SHROOM3: variants seen among roughly 807,000 people sequenced by gnomAD.
The protein encoded by SHROOM3 is shroom family member 3, also known as protein Shroom3.
In SHROOM3, 47 loss-of-function variants were observed where a neutral mutation model predicts 138.6. That is an observed-to-expected ratio of 0.34 (90% CI 0.27 to 0.43). The LOEUF (loss-of-function observed/expected upper bound fraction) is 0.43, where lower values mean the gene tolerates loss of function less well. SHROOM3 is among the 20% of genes least tolerant of loss of function. SHROOM3 has a pLI of 1.00. For synonymous variants in SHROOM3, 1,062 were observed against 1,063.3 expected, an observed-to-expected ratio of 1.00 and a Z score of 0.02; for missense variants, 2,491 against 2,596.5, an observed-to-expected ratio of 0.96 and a Z score of 0.88.
At chr4:76,768,691 T>C (rs1354709531) in intron 9 of SHROOM3, among the ~76,000 whole-genome samples, 2 of 152,052 alleles carry the variant, frequency 1.3e-5, no homozygotes, top group East Asian at 3.9e-4. Flanking sequence ...TTGTATTTTT[T>C]TCAGTAGAGA....
At chr4:76,626,159 T>C (rs1261843787) in intron 2 of SHROOM3, among the ~76,000 whole-genome samples, 1 of 152,184 alleles carries the variant, frequency 6.6e-6, no homozygotes, top group Non-Finnish European at 1.5e-5. Flanking sequence ...TAGGGCTGCT[T>C]CATCAGGCGA....
At chr4:76,737,108 C>A (rs983050919) in intron 4 of SHROOM3, among the ~76,000 whole-genome samples, 1 of 152,212 alleles carries the variant, frequency 6.6e-6, no homozygotes, top group Non-Finnish European at 1.5e-5. Flanking sequence ...GACCTGGCAA[C>A]CACTGATCTT....
chr4:76,655,965 TAG>T, intron 2 of SHROOM3, among the ~76,000 whole-genome samples: 1 of 152,248 alleles, frequency 6.6e-6, no homozygotes, highest in African/African-American at 2.4e-5. Flanking sequence ...GACCGGAAAA[TAG>T]AGAGACAGTC....
intron 1 of SHROOM3, among the ~76,000 whole-genome samples, chr4:76,470,531 CT>C (rs1460098969): frequency 2.6e-4 from 39 of 152,074 alleles, no homozygotes; most frequent in Admixed American, 9.8e-4. Context: ...TTAAAATGGC[CT>C]TTTTTGATGG....
rs560315578 is a variant in SHROOM3 at position 76,629,480 on chromosome 4, C to T, written c.323+73717C>T. ...TGCAGGGTTTTGAGCAGAGAATCAA[C>T]ATACTTTGGCTTATATTTTAGAATA... On this transcript the variant is annotated intron_variant, in intron 2 of 10. Coordinates refer to ENST00000296043, the MANE Select transcript of SHROOM3 (RefSeq NM_020859.4). Among the ~76,000 whole-genome samples, 32 of 152,250 alleles carry T rather than the reference C, an allele frequency of 2.1e-4. No homozygotes were observed. The East Asian group carries it at 5.8e-3, about 28-fold the overall frequency.
chr4:76,773,430 G>GCCC (rs1722440070), intron 10 of SHROOM3, among the ~76,000 whole-genome samples: 1 of 151,686 alleles, frequency 6.6e-6, no homozygotes, highest in Non-Finnish European at 1.5e-5. Flanking sequence ...AAAGTACATG[G>GCCC]CCCCATCAAA....
chr4:76,731,556 G>A (rs1238401329), intron 4 of SHROOM3, among the ~76,000 whole-genome samples: 3 of 152,050 alleles, frequency 2.0e-5, no homozygotes, highest in African/African-American at 4.8e-5. Context: ...CAAGGAGGGC[G>A]GATCACCTGA....
At chr4:76,533,650 C>T (rs1177393780) in intron 1 of SHROOM3, among the ~76,000 whole-genome samples, 1 of 152,170 alleles carries the variant, frequency 6.6e-6, no homozygotes, top group Non-Finnish European at 1.5e-5. Context: ...GAAAGCAATA[C>T]ACTATGAAAA....
At position 76,463,923 on chromosome 4, in the gene SHROOM3, C is replaced by T. The variant is rs538820894; in HGVS notation, c.168+27703C>T. ...GGAAATTCCTGGATGTCCAGGTAGA[C>T]GTCTGCTGCAGGGGCGGAGCCCTTA... On this transcript the variant is annotated intron_variant, in intron 1 of 10. Transcript: ENST00000296043. Among the ~76,000 whole-genome samples, 47 of 152,366 alleles carry T rather than the reference C, an allele frequency of 3.1e-4. 1 individual carries two copies. In the South Asian group the frequency reaches 7.7e-3, roughly 25 times the overall value.
At chr4:76,749,220 CATGG>C in intron 6 of SHROOM3, 130 bp downstream of exon 6, 1 of 840,068 alleles carries the variant, frequency 1.2e-6, no homozygotes, top group Non-Finnish European at 1.9e-6. Context: ...TTGTCTAGGC[CATGG>C]ATAACTTTTT....
At chr4:76,727,437 G>C (rs1318137586) in intron 3 of SHROOM3, among the ~76,000 whole-genome samples, 2 of 152,202 alleles carry the variant, frequency 1.3e-5, no homozygotes, top group African/African-American at 4.8e-5. Flanking sequence ...ATCTAAGTCA[G>C]TGAGGCAGCC....
intron 10 of SHROOM3, among the ~76,000 whole-genome samples, chr4:76,772,195 C>T (rs1000941177): frequency 1.3e-5 from 2 of 151,456 alleles, no homozygotes; most frequent in African/African-American, 2.4e-5. Flanking sequence ...CCTCTGGCTC[C>T]CGTATTCATG....
rs750125259 is a variant in SHROOM3 at position 76,740,742 on chromosome 4, G to A, written c.2569G>A (p.Glu857Lys). Residue 857 changes from glutamate (E) to lysine (K), a missense_variant, in exon 5 of 11, where the codon GAG (glutamate) becomes AAG (lysine). Transcript: ENST00000296043. This position sits in a 1 kb window ranked among gnomAD's most constrained non-coding sequence, Gnocchi z 4.0. Reference protein sequence around the residue: ...HFKNGELKLEEASRQPCGQQL... With the variant: ...HFKNGELKLEKASRQPCGQQL... Reference sequence around the variant, plus strand: ...CAAAAACGGGGAGCTGAAGTTGGAAGAGGCTTCCCGGCAGCCCTGCGGTCA... The same window carrying A: ...CAAAAACGGGGAGCTGAAGTTGGAAAAGGCTTCCCGGCAGCCCTGCGGTCA... The A allele has an allele frequency of 5.6e-6, 9 of 1,613,240 alleles. No individual in the cohort carries two copies. Among genetic ancestry groups the A allele is most frequent in the Non-Finnish European group, 7.6e-6 (9 of 1,180,026 alleles).
intron 2 of SHROOM3, among the ~76,000 whole-genome samples, chr4:76,571,292 CA>C (rs1461221456): frequency 1.3e-5 from 2 of 152,206 alleles, no homozygotes; most frequent in African/African-American, 4.8e-5. Flanking sequence ...GCTTTTACAT[CA>C]GTAAAAACTA....
chr4:76,765,382 G>A (rs1374074337), intron 9 of SHROOM3, among the ~76,000 whole-genome samples: 1 of 151,942 alleles, frequency 6.6e-6, no homozygotes, highest in Non-Finnish European at 1.5e-5. Flanking sequence ...GCCAAGTGTG[G>A]TAATGCGTGC....
At chr4:76,586,292 G>A (rs1421364984) in intron 2 of SHROOM3, 1 of 985,546 alleles carries the variant, frequency 1.0e-6, no homozygotes, top group Non-Finnish European at 1.2e-6. Flanking sequence ...TCTCAGCTCT[G>A]TCTTCCTCGG....
rs182640258 is a variant in SHROOM3, at chr4:76,461,128, T to C, written c.168+24908T>C. On this transcript the variant is annotated intron_variant, in intron 1 of 10. Coordinates refer to ENST00000296043, the MANE Select transcript of SHROOM3 (RefSeq NM_020859.4). ...AGCCCTATCTCTAAAAAGTCACATC[T>C]GAGACACTGGGATTTAGGGCTTCAA... Among the ~76,000 whole-genome samples the C allele has an allele frequency of 1.8e-4, 28 of 152,290 alleles. No individual in the cohort carries two copies. In the East Asian group the frequency reaches 4.0e-3, roughly 22 times the overall value.
chr4:76,469,034 C>CA (rs530021753), intron 1 of SHROOM3, among the ~76,000 whole-genome samples: 5,175 of 87,246 alleles, frequency 0.059, 114 homozygotes, highest in Middle Eastern at 0.12. Flanking sequence ...ATTCCATCTC[C>CA]AAAAAAAAAA....
At position 76,532,015 on chromosome 4, in the gene SHROOM3, G is replaced by A. The variant is rs142339409; in HGVS notation, c.169-23594G>A. On this transcript the variant is annotated intron_variant, in intron 1 of 10. Coordinates refer to ENST00000296043, the MANE Select transcript of SHROOM3 (RefSeq NM_020859.4). ...GTTGGTGTGCTGCACCCATTAACTC[G>A]TCATTTACATTAGGTATATCTCCTA... 0.013 allele frequency among the ~76,000 whole-genome samples: 1,904 copies of A among 149,796 alleles called. 160 individuals are homozygous for A. In the East Asian group the frequency reaches 0.24, roughly 19 times the overall value.
Sources: allele counts gnomAD v4.1 joint callset (sites outside exome capture counted in the v4.1 genomes callset), GRCh38; gene constraint gnomAD v4.1.1; non-coding constraint Gnocchi (gnomAD v3.1); transcripts MANE v1.5; gene names NCBI Gene and HGNC (gene_info 2026-07-23, HGNC 2026-07-21).